Variants in ZC3H14 observed in about 807,000 individuals in gnomAD.
ZC3H14 encodes zinc finger CCCH-type containing 14.
ZC3H14 carries 31 observed loss-of-function variants against 92.4 expected under a neutral mutation model. The observed-to-expected ratio is 0.34, with a 90% CI of 0.25 to 0.45. The LOEUF (loss-of-function observed/expected upper bound fraction) is 0.45, where lower values mean the gene tolerates loss of function less well. Ranked by LOEUF, ZC3H14 falls within the 20% of genes least tolerant of loss-of-function variation. The probability of loss-of-function intolerance (pLI) is 1.00; values close to 1 mark genes in which losing one functional copy is unlikely to be tolerated. For synonymous variants in ZC3H14, 321 were observed against 300.9 expected (o/e 1.07, Z -0.69); for missense variants, 781 against 897.3 (o/e 0.87, Z 1.66).
intron 12 of ZC3H14, among the ~76,000 whole-genome samples, chr14:88,604,482 T>A (rs973085071): frequency 1.3e-5 from 2 of 152,202 alleles, no homozygotes; most frequent in Non-Finnish European, 2.9e-5. Flanking sequence ...CAATTGCTTC[T>A]GGTTGGTTTT....
intron 9 of ZC3H14, chr14:88,591,151 A>G (rs1201621849): frequency 6.6e-6 from 1 of 152,180 alleles, no homozygotes; most frequent in Non-Finnish European, 1.5e-5. Flanking sequence ...ACATAAGAAT[A>G]GAAATCTGCC....
chr14:88,565,599 G>C (rs936341740), intron 2 of ZC3H14, among the ~76,000 whole-genome samples: 1 of 152,110 alleles, frequency 6.6e-6, no homozygotes, highest in African/African-American at 2.4e-5. Context: ...TTTAAACTCT[G>C]GGGTGGGTCA....
At chr14:88,592,596 G>A (rs1239862604) in intron 9 of ZC3H14, among the ~76,000 whole-genome samples, 1 of 142,268 alleles carries the variant, frequency 7.0e-6, no homozygotes, top group East Asian at 2.1e-4. Context: ...GCCTTCCCAG[G>A]TTCAGGTGAT....
intron 3 of ZC3H14, among the ~76,000 whole-genome samples, chr14:88,569,473 T>C (rs1428661257): frequency 2.6e-5 from 4 of 152,190 alleles, no homozygotes; most frequent in African/African-American, 9.7e-5. Context: ...TAGTTGAGAA[T>C]ACTGACTAGA....
intron 9 of ZC3H14, among the ~76,000 whole-genome samples, chr14:88,580,096 G>T (rs930963415): frequency 2.0e-5 from 3 of 152,138 alleles, no homozygotes; most frequent in Non-Finnish European, 2.9e-5. Context: ...TTGGGAGGCT[G>T]AAGTGGGAGG....
intron 2 of ZC3H14, among the ~76,000 whole-genome samples, chr14:88,566,069 G>T (rs1001007663): frequency 9.0e-6 from 1 of 111,132 alleles, no homozygotes; most frequent in Non-Finnish European, 1.8e-5. Flanking sequence ...TAGTGGAGAC[G>T]GTGTTTCACC....
chr14:88,600,114 A>G (rs1187205110), intron 10 of ZC3H14, among the ~76,000 whole-genome samples: 1 of 152,246 alleles, frequency 6.6e-6, no homozygotes, highest in African/African-American at 2.4e-5. Context: ...TAACATGGAA[A>G]TGTATCTTTG....
chr14:88,597,775 G>A (rs970242068), intron 10 of ZC3H14, among the ~76,000 whole-genome samples: 6 of 152,170 alleles, frequency 3.9e-5, no homozygotes, highest in Non-Finnish European at 5.9e-5. Context: ...ATTTGAAAAG[G>A]TTGACAGCCG....
intron 16 of ZC3H14, 33 bp from the exon 17 acceptor site, chr14:88,611,712 T>C (rs748660448): frequency 6.2e-7 from 1 of 1,613,862 alleles, no homozygotes; most frequent in South Asian, 1.1e-5. Context: ...ACAAAGCAGA[T>C]AATTAAAACA....
chr14:88,586,955 A>G (rs2082542138), intron 9 of ZC3H14, among the ~76,000 whole-genome samples: 2 of 152,022 alleles, frequency 1.3e-5, no homozygotes, highest in Non-Finnish European at 2.9e-5. Context: ...CTGTTTCTTC[A>G]TTGACCAACT....
rs1272521824 is a variant in ZC3H14 at position 88,621,900 on chromosome 14, A to G, written c.*10149A>G. ...GAAACTTTCAAAATCCTCTCTTGTA[A>G]ATACCTGAAAATACATAAATACGTG... On this transcript the variant is annotated 3_prime_UTR_variant, in exon 17 of 17. Transcript: ENST00000251038. The G allele has an allele frequency of 4.4e-6, 2 of 456,338 alleles. No individual in the cohort carries two copies. The highest frequency in any genetic ancestry group is 4.4e-6 in the Non-Finnish European group (1 of 226,828). 28.3% of individuals were successfully genotyped at this position (456,338 alleles called of 1,614,324 possible).
intron 9 of ZC3H14, among the ~76,000 whole-genome samples, chr14:88,583,813 A>G (rs1022275949): frequency 6.6e-6 from 1 of 152,240 alleles, no homozygotes; most frequent in African/African-American, 2.4e-5. Context: ...ACATTTATTC[A>G]GTAGATAAAG....
intron 9 of ZC3H14, among the ~76,000 whole-genome samples, chr14:88,582,177 C>G (rs951926675): frequency 3.3e-5 from 5 of 152,194 alleles, no homozygotes; most frequent in Admixed American, 2.0e-4. Context: ...GATAAGAGAA[C>G]AAGATGGTAG....
In ZC3H14 at chr14:88,601,775, T is replaced by C. The variant is rs910256022; in HGVS notation, c.1355-149T>C. On this transcript the variant is annotated intron_variant, in intron 10 of 16. Coordinates refer to ENST00000251038, the MANE Select transcript of ZC3H14 (RefSeq NM_024824.5). The stretch of plus-strand genomic sequence containing the variant: ...TGAAAACATGTTTGGAATAGAATTA[T>C]AGCCCTGTTTTCCTGAGTGGAACCA... 7 of 889,074 alleles carry C rather than the reference T, an allele frequency of 7.9e-6. No individual in the cohort carries two copies. The African/African-American group carries it at 1.0e-4, about 13-fold the overall frequency. The allele number at this position is 889,074 out of a possible 1,614,324, so 55.1% of individuals were successfully genotyped here. A position where few individuals can be genotyped will look rare whatever the true frequency, so the allele number is the denominator to read the frequency against.
rs760967063 is a variant in ZC3H14, at chr14:88,616,918, T to C, written c.*5167T>C. ...ACAAAAGAAAACTCATCATGGCAAG[T>C]GCGGGCAGGTTGACTATATTCAAAA... On this transcript the variant is annotated 3_prime_UTR_variant, in exon 17 of 17. Transcript: ENST00000251038. 3 of 1,598,438 alleles carry C rather than the reference T, an allele frequency of 1.9e-6. No homozygotes were observed. Among genetic ancestry groups the C allele is most frequent in the African/African-American group, 2.7e-5 (2 of 74,434 alleles).
intron 9 of ZC3H14, among the ~76,000 whole-genome samples, chr14:88,588,262 C>T (rs565481381): frequency 1.3e-5 from 2 of 152,288 alleles, no homozygotes; most frequent in Admixed American, 1.3e-4. Flanking sequence ...TCCCCTGAGT[C>T]GGCTCTGCAA....
chr14:88,570,678 A>G (rs921342973), intron 3 of ZC3H14, among the ~76,000 whole-genome samples: 6 of 152,234 alleles, frequency 3.9e-5, no homozygotes, highest in African/African-American at 1.2e-4. Context: ...ATTCTTTCCC[A>G]TATTTTTGCA....
chr14:88,618,693 A>G lies in ZC3H14; in HGVS notation c.*6942A>G, dbSNP rs2088220856. 6.2e-7 allele frequency: 1 copy of G among 1,612,480 alleles called. No homozygotes were observed. The highest frequency in any genetic ancestry group is 1.7e-5 in the Admixed American group (1 of 59,844). On this transcript the variant is annotated 3_prime_UTR_variant, in exon 17 of 17. Coordinates refer to ENST00000251038, the MANE Select transcript of ZC3H14 (RefSeq NM_024824.5). ...TGCAGAGAAGTCCATTTGAATGACA[A>G]AGCTTGGAATGTCTTTGCAGTAGCT...
chr14:88,580,626 C>T (rs1421181680), intron 9 of ZC3H14, among the ~76,000 whole-genome samples: 1 of 152,034 alleles, frequency 6.6e-6, no homozygotes, highest in East Asian at 1.9e-4. Flanking sequence ...GTAGGAATCT[C>T]CAAAGAAACA....
Sources: gnomAD v4.1 joint callset for allele counts (sites outside exome capture counted in the v4.1 genomes callset) on GRCh38, gnomAD v4.1.1 for gene constraint, MANE v1.5 for transcripts, NCBI Gene and HGNC (gene_info 2026-07-23, HGNC 2026-07-21) for gene names.